MLLT3: variants seen among roughly 807,000 people sequenced by gnomAD.
The protein encoded by MLLT3 is MLLT3 super elongation complex subunit.
In MLLT3, 4 loss-of-function variants were observed where a neutral mutation model predicts 53.2. That is an observed-to-expected ratio of 0.08 (90% CI 0.04 to 0.17). The LOEUF is 0.17. MLLT3 is among the 10% of genes least tolerant of loss of function. The pLI is 1.00. For missense variants in MLLT3, 569 were observed against 684.0 expected (o/e 0.83, Z 1.87); for synonymous variants, 283 against 230.6 (o/e 1.23, Z -2.06).
At chr9:20,454,254 T>G in intron 3 of MLLT3, among the ~76,000 whole-genome samples, 1 of 151,844 alleles carries the variant, frequency 6.6e-6, no homozygotes, top group Non-Finnish European at 1.5e-5. Flanking sequence ...TGTGTGTGTG[T>G]GCACACGCAT....
intron 2 of MLLT3, among the ~76,000 whole-genome samples, chr9:20,568,958 G>GA (rs1407361090): frequency 6.6e-6 from 1 of 151,496 alleles, no homozygotes; most frequent in Non-Finnish European, 1.5e-5. Context: ...ATGTCTCAGA[G>GA]AAAAAAAATA....
chr9:20,399,440 T>C, intron 5 of MLLT3, among the ~76,000 whole-genome samples: 1 of 152,134 alleles, frequency 6.6e-6, no homozygotes, highest in African/African-American at 2.4e-5. Flanking sequence ...GCCCTCAAAA[T>C]AGTCCACTGG....
chr9:20,483,922 AGGAT>A (rs1234823061), intron 2 of MLLT3, among the ~76,000 whole-genome samples: 2 of 151,534 alleles, frequency 1.3e-5, no homozygotes, highest in Non-Finnish European at 2.9e-5. Flanking sequence ...CGTGTTAGCC[AGGAT>A]GGTCTCGATC....
chr9:20,544,747 A>T (rs1001046297), intron 2 of MLLT3, among the ~76,000 whole-genome samples: 3 of 152,204 alleles, frequency 2.0e-5, no homozygotes, highest in Admixed American at 1.3e-4. Flanking sequence ...TATCCATAGG[A>T]AATGCAATCA....
At chr9:20,498,464 GC>G (rs1335094242) in intron 2 of MLLT3, among the ~76,000 whole-genome samples, 10 of 151,726 alleles carry the variant, frequency 6.6e-5, no homozygotes, top group Admixed American at 6.6e-4. Context: ...CAAATCTTTT[GC>G]CCATTTTATA....
At chr9:20,552,835 T>G (rs1296236692) in intron 2 of MLLT3, among the ~76,000 whole-genome samples, 1 of 152,174 alleles carries the variant, frequency 6.6e-6, no homozygotes, top group Non-Finnish European at 1.5e-5. Context: ...AATCTACTTT[T>G]TCTCATCAGG....
At chr9:20,391,190 A>T (rs1370111211) in intron 5 of MLLT3, among the ~76,000 whole-genome samples, 1 of 152,178 alleles carries the variant, frequency 6.6e-6, no homozygotes, top group African/African-American at 2.4e-5. Flanking sequence ...GTAGAAAAAA[A>T]TTTTAAGGCA....
intron 2 of MLLT3, among the ~76,000 whole-genome samples, chr9:20,606,961 T>C (rs1820585999): frequency 6.6e-6 from 1 of 151,998 alleles, no homozygotes; most frequent in Non-Finnish European, 1.5e-5. Context: ...AACTCAGAGG[T>C]CTTTACAAGT....
intron 2 of MLLT3, among the ~76,000 whole-genome samples, chr9:20,591,231 T>C (rs1820121231): frequency 6.6e-6 from 1 of 152,284 alleles, no homozygotes; most frequent in African/African-American, 2.4e-5. Context: ...GCCTGACACT[T>C]AGGAAGAAGA....
chr9:20,475,929 C>A (rs932943418), intron 2 of MLLT3, among the ~76,000 whole-genome samples: 1 of 152,088 alleles, frequency 6.6e-6, no homozygotes, highest in Non-Finnish European at 1.5e-5. Context: ...ACAAACTATG[C>A]GTTTCACTGA....
At chr9:20,485,510 G>A (rs563754842) in intron 2 of MLLT3, among the ~76,000 whole-genome samples, 6 of 152,112 alleles carry the variant, frequency 3.9e-5, no homozygotes, top group Non-Finnish European at 7.4e-5. Flanking sequence ...TCTTATTTTC[G>A]AATAATTCAT....
intron 2 of MLLT3, among the ~76,000 whole-genome samples, chr9:20,594,661 T>A (rs1437070444): frequency 6.6e-6 from 1 of 151,916 alleles, no homozygotes; most frequent in Non-Finnish European, 1.5e-5. Flanking sequence ...CAAAACAGAC[T>A]GAGGTAAAGA....
At chr9:20,422,656 G>A (rs551844113) in intron 4 of MLLT3, among the ~76,000 whole-genome samples, 11 of 152,260 alleles carry the variant, frequency 7.2e-5, no homozygotes, top group African/African-American at 2.6e-4. Context: ...AGCCATACCT[G>A]ACTATGAATT....
intron 5 of MLLT3, among the ~76,000 whole-genome samples, chr9:20,396,160 G>T (rs78925688): frequency 6.7e-6 from 1 of 148,818 alleles, no homozygotes; most frequent in Non-Finnish European, 1.5e-5. Context: ...TATTTTCAGG[G>T]TTTTTTTTTT....
chr9:20,482,564 T>C (rs1586983567), intron 2 of MLLT3, among the ~76,000 whole-genome samples: 2 of 152,342 alleles, frequency 1.3e-5, no homozygotes, highest in Admixed American at 1.3e-4. Context: ...TGTCTTTTGA[T>C]AATCTAAAAG....
chr9:20,616,816 A>G (rs575286483), intron 2 of MLLT3, among the ~76,000 whole-genome samples: 5 of 152,300 alleles, frequency 3.3e-5, no homozygotes, highest in Non-Finnish European at 7.4e-5. Context: ...GACTATTACA[A>G]AAACAGTCAC....
chr9:20,506,759 T>C (rs983152865), intron 2 of MLLT3, among the ~76,000 whole-genome samples: 1 of 152,230 alleles, frequency 6.6e-6, no homozygotes, highest in Non-Finnish European at 1.5e-5. Context: ...AAGAACTTAG[T>C]GTTCTTACTT....
At chr9:20,354,957 C>T in intron 8 of MLLT3, 78 bp from the exon 9 acceptor site, 1 of 932,996 alleles carries the variant, frequency 1.1e-6, no homozygotes, top group Non-Finnish European at 1.8e-6. Context: ...ACAAAGGCAT[C>T]CACTGAATGA....
chr9:20,574,172 G>GTGATAATGCCCGGACTAACTGCAAA (rs1358765795), intron 2 of MLLT3, among the ~76,000 whole-genome samples: 3 of 152,170 alleles, frequency 2.0e-5, no homozygotes, highest in Non-Finnish European at 4.4e-5. Flanking sequence ...AAGTTCCTAG[G>GTGATAATGCCCGGACTAACTGCAAA]TGATAATGCC....
Sources: gnomAD v4.1 joint callset for allele counts (sites outside exome capture counted in the v4.1 genomes callset) on GRCh38, gnomAD v4.1.1 for gene constraint, MANE v1.5 for transcripts, NCBI Gene and HGNC (gene_info 2026-07-23, HGNC 2026-07-21) for gene names.